The following VCAN variants were observed in gnomAD, a reference collection of about 807,000 sequenced individuals.
VCAN encodes versican.
VCAN carries 44 observed loss-of-function variants against 245.5 expected under a neutral mutation model. That is an observed-to-expected ratio of 0.18 (90% CI 0.14 to 0.23). The LOEUF (loss-of-function observed/expected upper bound fraction) is 0.23, where lower values mean the gene tolerates loss of function less well. Ranked by LOEUF, VCAN falls within the 10% of genes least tolerant of loss-of-function variation. The probability of loss-of-function intolerance (pLI) is 1.00; values close to 1 mark genes in which losing one functional copy is unlikely to be tolerated. For missense variants in VCAN, 3,793 were observed against 4,057.9 expected (o/e 0.93, Z 1.77); for synonymous variants, 1,413 against 1,437.0 (o/e 0.98, Z 0.38).
chr5:83,539,524 A>T lies in VCAN; in HGVS notation c.6521A>T (p.Asp2174Val), dbSNP rs1746877920. ...YSDDKEMKEEDTSLVNMSTPD... is the reference protein window; with the variant it reads ...YSDDKEMKEEVTSLVNMSTPD... ...GATGATAAAGAAATGAAGGAGGAAGACACTTCTTTAGTTAACATGTCTACT... is the reference window on the plus strand; with the variant it reads ...GATGATAAAGAAATGAAGGAGGAAGTCACTTCTTTAGTTAACATGTCTACT... Residue 2174 changes from aspartate (D) to valine (V), a missense_variant, in exon 8 of 15, where the codon GAC becomes GTC. Physicochemically the swap from Asp to Val is radical, Grantham distance 152. Transcript: ENST00000265077. 1.2e-6 allele frequency: 2 copies of T among 1,614,022 alleles called. No individual in the cohort carries two copies. The highest frequency in any genetic ancestry group is 1.7e-5 in the Admixed American group (1 of 59,986).
chr5:83,554,935 G>A (rs1580062537), intron 11 of VCAN, 21 bp from the exon 12 acceptor site: 1 of 1,608,466 alleles, frequency 6.2e-7, no homozygotes, highest in African/African-American at 1.3e-5. Flanking sequence ...ACAAATATCT[G>A]TGTGGTTTCC....
intron 7 of VCAN, among the ~76,000 whole-genome samples, chr5:83,527,973 G>A (rs534388805): frequency 6.6e-6 from 1 of 152,150 alleles, no homozygotes; most frequent in African/African-American, 2.4e-5. Context: ...CCTCGAGAGA[G>A]ACCCATACAC....
Position 83,537,828 on chromosome 5 carries a change from C to A in VCAN, c.4825C>A (p.Pro1609Thr). The A allele has an allele frequency of 6.2e-7, 1 of 1,613,952 alleles. No homozygotes were observed. The highest frequency in any genetic ancestry group is 8.5e-7 in the Non-Finnish European group (1 of 1,179,940). Residue 1609 changes from proline (P) to threonine (T), a missense_variant, in exon 8 of 15, where the codon CCA (proline) becomes ACA (threonine). Transcript: ENST00000265077. ...EAVTLIGNPW[P>T]DDLLSTKESW... ...AGTTACCCTAATAGGAAATCCTTGG[C>A]CAGATGACCTGTTGTCTACCAAAGA...
chr5:83,558,559 A>C (rs1747756287), intron 12 of VCAN, among the ~76,000 whole-genome samples: 1 of 152,152 alleles, frequency 6.6e-6, no homozygotes, highest in Non-Finnish European at 1.5e-5. Context: ...AGTAAGAAGA[A>C]ACAAGTTTAT....
In VCAN at chr5:83,520,175, A is replaced by G; in HGVS notation, c.1869A>G (p.Glu623=). 6.2e-7 allele frequency: 1 copy of G among 1,614,064 alleles called. No individual in the cohort carries two copies. The highest frequency in any genetic ancestry group is 8.5e-7 in the Non-Finnish European group (1 of 1,179,970). ...ATGGATCATCCATGGATGACTGGGA[A>G]GAGAGACAAACTAGTGGTAGGATAA... ...DNNGSSMDDW[E]ERQTSGRITE... is the part of the protein sequence containing the mutation. The change falls in exon 7 of 15, where the codon GAA becomes GAG. Residue 623 remains glutamate (E), a synonymous_variant. Transcript: ENST00000265077.
At position 83,520,716 on chromosome 5, in the gene VCAN, T is replaced by C. The variant is rs752828167; in HGVS notation, c.2410T>C (p.Ser804Pro). 1.2e-6 allele frequency: 2 copies of C among 1,614,106 alleles called. No individual in the cohort carries two copies. The highest frequency in any genetic ancestry group is 4.5e-5 in the East Asian group (2 of 44,864). ...TGAAGCAGCCACTGTATCAAAATGGTCATGGGATGAAGATAATACAACATC... is the reference window on the plus strand; with the variant it reads ...TGAAGCAGCCACTGTATCAAAATGGCCATGGGATGAAGATAATACAACATC... The part of the protein sequence containing the change: ...SVEAATVSKW[S>P]WDEDNTTSKP... Residue 804 changes from serine (S) to proline (P), a missense_variant, in exon 7 of 15, where the codon TCA becomes CCA. Coordinates refer to ENST00000265077, the MANE Select transcript of VCAN (RefSeq NM_004385.5).
chr5:83,519,402 A>G lies in VCAN; in HGVS notation c.1096A>G (p.Ser366Gly), dbSNP rs1435332292. 1 of 1,614,112 alleles carries G rather than the reference A, an allele frequency of 6.2e-7. No individual in the cohort carries two copies. The highest frequency in any genetic ancestry group is 1.7e-5 in the Admixed American group (1 of 60,030). Residue 366 changes from serine (S) to glycine (G), a missense_variant, in exon 7 of 15, where the codon AGT (serine) becomes GGT (glycine). By Grantham distance (56) the Ser-to-Gly change is moderately conservative. Transcript: ENST00000265077. ...LSILAETASP[S>G]LSKEPQMVSD... is the part of the protein sequence containing the mutation. Reference sequence around the variant, plus strand: ...TATCCTCGCAGAAACTGCATCACCCAGTTTATCCAAAGAACCACAAATGGT... The same window carrying G: ...TATCCTCGCAGAAACTGCATCACCCGGTTTATCCAAAGAACCACAAATGGT...
chr5:83,580,332 T>A lies in VCAN; in HGVS notation c.10089T>A (p.Ser3363=). ...MNPSAYQRTY[S]MKYFKNSSSA... is the part of the protein sequence containing the mutation. Reference sequence around the variant, plus strand: ...CATCTGCATACCAAAGGACTTATTCTATGAAATACTTTAAAAATTCCTCAT... The same window carrying A: ...CATCTGCATACCAAAGGACTTATTCAATGAAATACTTTAAAAATTCCTCAT... Residue 3363 remains serine, a synonymous_variant, in exon 15 of 15, where the codon TCT becomes TCA. Transcript: ENST00000265077. 2 of 1,614,038 alleles carry A rather than the reference T, an allele frequency of 1.2e-6. No homozygotes were observed. The highest frequency in any genetic ancestry group is 1.7e-6 in the Non-Finnish European group (2 of 1,179,972).
rs1456181252 is a variant in VCAN, at chr5:83,540,917, C to T, written c.7914C>T (p.Gly2638=). ...NLSLTEETFE[G]SADVLASYTQ... is the part of the protein sequence containing the mutation. ...CTTTAACTGAGGAAACATTTGAGGG[C>T]TCTGCTGATGTTCTGGCTAGCTACA... Residue 2638 remains glycine (G), a synonymous_variant, in exon 8 of 15, where the codon GGC becomes GGT. Coordinates refer to ENST00000265077, the MANE Select transcript of VCAN (RefSeq NM_004385.5). The T allele has an allele frequency of 6.2e-7, 1 of 1,613,904 alleles. No individual in the cohort carries two copies. Among genetic ancestry groups the T allele is most frequent in the Admixed American group, 1.7e-5 (1 of 59,980 alleles).
chr5:83,533,350 A>G (rs1018940968), intron 7 of VCAN, among the ~76,000 whole-genome samples: 1 of 152,116 alleles, frequency 6.6e-6, no homozygotes, highest in Non-Finnish European at 1.5e-5. Flanking sequence ...TTCCCATTAA[A>G]ATAGGAGAAA....
rs992071102 is a variant in VCAN, at chr5:83,539,185, T to C, written c.6182T>C (p.Leu2061Ser). ...VNEIDRRSTI[L>S]PTAEVEGTKA... is the part of the protein sequence containing the mutation. ...GAAATTGATAGAAGATCCACCATTT[T>C]ACCAACAGCAGAAGTGGAAGGTACG... is the stretch of plus-strand genomic sequence containing the variant. Residue 2061 changes from leucine to serine, a missense_variant, in exon 8 of 15, where the codon TTA (leucine) becomes TCA (serine). Leu to Ser is a moderately radical substitution (Grantham distance 145). Transcript: ENST00000265077. The C allele has an allele frequency of 2.5e-6, 4 of 1,613,844 alleles. No homozygotes were observed. Among genetic ancestry groups the C allele is most frequent in the Admixed American group, 1.7e-5 (1 of 59,920 alleles).
chr5:83,550,374 A>G (rs915211702), intron 10 of VCAN, among the ~76,000 whole-genome samples: 1 of 152,340 alleles, frequency 6.6e-6, no homozygotes, highest in East Asian at 1.9e-4. Flanking sequence ...GGAGTTTTAA[A>G]GCATAAGATG....
Position 83,496,430 on chromosome 5 carries a change from A to C in VCAN, c.748+2499A>C, listed in dbSNP as rs571241806. Among the ~76,000 whole-genome samples, 3 of 152,360 alleles carry C rather than the reference A, an allele frequency of 2.0e-5. No homozygotes were observed. In the East Asian group the frequency reaches 5.8e-4, roughly 29 times the overall value. ...TAACTTTACTTAGGCTCTTTATACC[A>C]AATCAACAGAATTTTCATCTTTTTG... On this transcript the variant is annotated intron_variant, in intron 5 of 14. Transcript: ENST00000265077.
At chr5:83,504,463 A>G (rs1580613008) in intron 5 of VCAN, among the ~76,000 whole-genome samples, 1 of 150,914 alleles carries the variant, frequency 6.6e-6, no homozygotes, top group Middle Eastern at 3.4e-3. Context: ...GCTCACTGCA[A>G]CCTCTGCCTC....
rs570326709 is a variant in VCAN, at chr5:83,528,565, C to T, written c.4003+6256C>T. Reference sequence around the variant, plus strand: ...CAGCTTCTTGAGGAAGCAGTGTTGTCACACTTTTCTGAGCTTCAGTGATTC... The same window carrying T: ...CAGCTTCTTGAGGAAGCAGTGTTGTTACACTTTTCTGAGCTTCAGTGATTC... On this transcript the variant is annotated intron_variant, in intron 7 of 14. Coordinates refer to ENST00000265077, the MANE Select transcript of VCAN (RefSeq NM_004385.5). Among the ~76,000 whole-genome samples the T allele has an allele frequency of 5.9e-5, 9 of 152,172 alleles. No individual in the cohort carries two copies. In the South Asian group the frequency reaches 1.9e-3, roughly 32 times the overall value.
intron 6 of VCAN, among the ~76,000 whole-genome samples, chr5:83,518,423 G>T (rs1580625345): frequency 6.6e-6 from 1 of 152,052 alleles, no homozygotes; most frequent in Non-Finnish European, 1.5e-5. Flanking sequence ...ACTTTATATT[G>T]CCTGAGCCTG....
chr5:83,580,185 T>C (rs781359239), intron 14 of VCAN, 23 bp downstream of exon 14: 19 of 1,613,874 alleles, frequency 1.2e-5, no homozygotes, highest in Middle Eastern at 1.6e-4. Flanking sequence ...TTAGAAAGAA[T>C]GGACTACCGT....
intron 11 of VCAN, 44 bp from the exon 12 acceptor site, chr5:83,554,912 A>G: frequency 6.4e-7 from 1 of 1,557,516 alleles, no homozygotes; most frequent in African/African-American, 1.4e-5. Context: ...TCATCCATAT[A>G]TGGAAAAGTA....
chr5:83,507,557 C>T (rs976037464), intron 5 of VCAN, among the ~76,000 whole-genome samples: 2 of 152,234 alleles, frequency 1.3e-5, no homozygotes, highest in African/African-American at 4.8e-5. Flanking sequence ...ACTAAGCAAA[C>T]GTGCCTATTT....
Sources: allele counts gnomAD v4.1 joint callset (sites outside exome capture counted in the v4.1 genomes callset), GRCh38; gene constraint gnomAD v4.1.1; transcripts MANE v1.5; gene names NCBI Gene and HGNC (gene_info 2026-07-23, HGNC 2026-07-21).